Variants in ZMYND8 observed in about 807,000 individuals in gnomAD.
The protein encoded by ZMYND8 is zinc finger MYND-type containing 8, also known as MYND-type zinc finger-containing chromatin reader ZMYND8.
A neutral mutation model predicts 140.8 loss-of-function variants in ZMYND8; 37 were observed. The ratio of observed to expected loss-of-function variants is 0.26; its 90% CI spans 0.20 to 0.35. The LOEUF is 0.35. Ranked by LOEUF, ZMYND8 falls within the 10% of genes least tolerant of loss-of-function variation. The pLI, the probability that ZMYND8 is intolerant of heterozygous loss-of-function variation, is 1.00. For synonymous variants in ZMYND8, 592 were observed against 597.1 expected (o/e 0.99, Z 0.12); for missense variants, 1,068 against 1,570.0 (o/e 0.68, Z 5.40).
chr20:47,224,937 T>C (rs2037476903), intron 18 of ZMYND8, among the ~76,000 whole-genome samples: 1 of 152,234 alleles, frequency 6.6e-6, no homozygotes, highest in Non-Finnish European at 1.5e-5. Flanking sequence ...CAAATACCTA[T>C]ACAGCACCCA....
At chr20:47,230,783 C>T (rs1040703056) in intron 16 of ZMYND8, among the ~76,000 whole-genome samples, 1 of 152,122 alleles carries the variant, frequency 6.6e-6, no homozygotes, top group Non-Finnish European at 1.5e-5. Context: ...CATTTCACAA[C>T]ATTTTCATTA....
intron 3 of ZMYND8, among the ~76,000 whole-genome samples, chr20:47,303,535 T>A (rs1280943272): frequency 6.6e-6 from 1 of 152,100 alleles, no homozygotes; most frequent in African/African-American, 2.4e-5. Flanking sequence ...CTGGCCAACA[T>A]GGCGAAACCC....
At chr20:47,286,449 G>T (rs1165311556) in intron 8 of ZMYND8, among the ~76,000 whole-genome samples, 1 of 152,066 alleles carries the variant, frequency 6.6e-6, no homozygotes, top group Admixed American at 6.6e-5. Context: ...AAAGTGCTGG[G>T]ATTACAGGTG....
At chr20:47,336,061 G>A (rs1260391423) in intron 2 of ZMYND8, among the ~76,000 whole-genome samples, 1 of 152,134 alleles carries the variant, frequency 6.6e-6, no homozygotes, top group African/African-American at 2.4e-5. Flanking sequence ...TCTGCATCGC[G>A]CTGTGATTTA....
At chr20:47,254,096 T>C (rs893792188) in intron 12 of ZMYND8, among the ~76,000 whole-genome samples, 3 of 152,254 alleles carry the variant, frequency 2.0e-5, no homozygotes, top group African/African-American at 7.2e-5. Context: ...TCATGTAGCT[T>C]ATCGGGACTT....
intron 2 of ZMYND8, among the ~76,000 whole-genome samples, chr20:47,328,357 A>AT (rs1189611361): frequency 6.6e-6 from 1 of 152,158 alleles, no homozygotes; most frequent in African/African-American, 2.4e-5. Context: ...GCAGGAGAAG[A>AT]TTTTTAGCTT....
At chr20:47,275,990 T>C (rs1452500167) in intron 11 of ZMYND8, among the ~76,000 whole-genome samples, 1 of 152,210 alleles carries the variant, frequency 6.6e-6, no homozygotes. Flanking sequence ...AAAAATACAA[T>C]TTCAACTAAA....
At chr20:47,230,151 A>G (rs1165562425) in intron 16 of ZMYND8, among the ~76,000 whole-genome samples, 1 of 152,222 alleles carries the variant, frequency 6.6e-6, no homozygotes, top group East Asian at 1.9e-4. Flanking sequence ...AAAATTTCCA[A>G]CAAATTTCAT....
intron 11 of ZMYND8, among the ~76,000 whole-genome samples, chr20:47,265,696 G>A (rs1290684397): frequency 6.6e-6 from 1 of 152,084 alleles, no homozygotes; most frequent in East Asian, 1.9e-4. Context: ...ACCCACCTCG[G>A]CCTCCCAAAG....
intron 2 of ZMYND8, among the ~76,000 whole-genome samples, chr20:47,342,032 C>T (rs532431991): frequency 2.0e-5 from 3 of 151,354 alleles, no homozygotes; most frequent in Non-Finnish European, 2.9e-5. Context: ...CTTAGCCAGG[C>T]GTGGTGGTGT....
intron 12 of ZMYND8, among the ~76,000 whole-genome samples, chr20:47,255,835 T>C (rs28729834): frequency 1.4e-4 from 20 of 143,894 alleles, no homozygotes; most frequent in South Asian, 2.2e-4. Flanking sequence ...TATATATATA[T>C]ACACACACAC....
chr20:47,341,191 G>A (rs147157362), intron 2 of ZMYND8, among the ~76,000 whole-genome samples: 1 of 152,236 alleles, frequency 6.6e-6, no homozygotes, highest in African/African-American at 2.4e-5. Flanking sequence ...ATGGATACAT[G>A]TAAAAATGTT....
At chr20:47,255,549 A>G (rs2074537930) in intron 12 of ZMYND8, among the ~76,000 whole-genome samples, 1 of 123,208 alleles carries the variant, frequency 8.1e-6, no homozygotes, top group East Asian at 2.2e-4. Context: ...TACACACCAT[A>G]TACATATACT....
Position 47,311,169 on chromosome 20 carries a change from A to T in ZMYND8, c.86-965T>A, listed in dbSNP as rs1177814334. ...AAAGAACACACCCCACCCACCGGGA[A>T]GTTCCCGTGCTCCCACCGCCTCTGG... On this transcript the variant is annotated intron_variant, in intron 2 of 22. Transcript: ENST00000471951. Among the ~76,000 whole-genome samples the T allele has an allele frequency of 1.1e-4, 17 of 152,214 alleles. 1 individual carries two copies. The highest frequency in any genetic ancestry group is 1.1e-3 in the Admixed American group (17 of 15,280).
intron 11 of ZMYND8, among the ~76,000 whole-genome samples, chr20:47,271,205 G>A (rs1272874798): frequency 2.6e-5 from 4 of 152,172 alleles, no homozygotes; most frequent in African/African-American, 4.8e-5. Flanking sequence ...CTAGCTCAGC[G>A]TCTTGGGAGC....
chr20:47,246,402 A>C lies in ZMYND8; in HGVS notation c.1890T>G (p.Ser630=). The C allele has an allele frequency of 6.2e-7, 1 of 1,613,920 alleles. No individual in the cohort carries two copies. ...SEYISDDEQK[S]KNEPEDTEDK... is the part of the protein sequence containing the mutation. ...CCTCTGTGTCTTCTGGCTCGTTCTT[A>C]GACTTCTGCTCATCATCACTGATAT... Residue 630 remains serine (S), a synonymous_variant, in exon 14 of 23, where the codon TCT becomes TCG. Coordinates refer to ENST00000471951, the MANE Select transcript of ZMYND8 (RefSeq NM_001281775.3).
intron 1 of ZMYND8, chr20:47,351,667 TG>T (rs971614426): frequency 2.1e-5 from 21 of 983,622 alleles, no homozygotes; most frequent in Non-Finnish European, 2.5e-5. Context: ...GAAATTGGGG[TG>T]GGGGGGAATG....
chr20:47,311,179 C>T (rs1367692191), intron 2 of ZMYND8, among the ~76,000 whole-genome samples: 1 of 152,204 alleles, frequency 6.6e-6, no homozygotes, highest in Non-Finnish European at 1.5e-5. Flanking sequence ...AGTTCCCGTG[C>T]TCCCACCGCC....
intron 2 of ZMYND8, among the ~76,000 whole-genome samples, chr20:47,323,546 C>T (rs966467337): frequency 3.3e-5 from 5 of 152,114 alleles, no homozygotes; most frequent in African/African-American, 1.2e-4. Context: ...TCTGTACCTT[C>T]ACCAGACTAC....
Sources: gnomAD v4.1 joint callset for allele counts (sites outside exome capture counted in the v4.1 genomes callset) on GRCh38, gnomAD v4.1.1 for gene constraint, MANE v1.5 for transcripts, NCBI Gene and HGNC (gene_info 2026-07-23, HGNC 2026-07-21) for gene names.